Variants in ATP7A observed in about 807,000 individuals in gnomAD.
ATP7A encodes copper-transporting ATPase 1.
A neutral mutation model predicts 83.5 loss-of-function variants in ATP7A; 7 were observed. That is an observed-to-expected ratio of 0.08 (90% CI 0.05 to 0.16). The LOEUF (loss-of-function observed/expected upper bound fraction) is 0.16. ATP7A is among the 10% of genes least tolerant of loss of function. ATP7A has a pLI of 1.00. For synonymous variants in ATP7A, 354 were observed against 395.2 expected, an observed-to-expected ratio of 0.90 and a Z score of 1.24; for missense variants, 940 against 1,120.8, an observed-to-expected ratio of 0.84 and a Z score of 2.30.
chrX:77,955,020 A>T, intron 1 of ATP7A, among the ~76,000 whole-genome samples: 1 of 111,117 alleles, frequency 9.0e-6, no homozygotes, highest in East Asian at 2.8e-4. Context: ...AGGTAGTCCT[A>T]TGACATACCT....
At chrX:77,923,184 T>A (rs1359868126) in intron 1 of ATP7A, 1 of 112,300 alleles carries the variant, frequency 8.9e-6, no homozygotes, top group Admixed American at 9.5e-5. Context: ...ATGAAAGACT[T>A]ATTGGTAAAC....
chrX:77,945,066 G>T (rs1363981438), intron 1 of ATP7A, among the ~76,000 whole-genome samples: 1 of 111,154 alleles, frequency 9.0e-6, no homozygotes, highest in East Asian at 2.8e-4. Context: ...GGCCAGGCTG[G>T]TCTTGAATTC....
Position 78,046,856 on chromosome X carries a change from C to A in ATP7A, c.*286C>A. The A allele has an allele frequency of 4.1e-6, 1 of 241,417 alleles. No individual in the cohort carries two copies. Among genetic ancestry groups the A allele is most frequent in the Non-Finnish European group, 7.2e-6 (1 of 139,262 alleles). 19.9% of individuals were successfully genotyped at this position (241,417 alleles called of 1,213,427 possible). On this transcript the variant is annotated 3_prime_UTR_variant, in exon 23 of 23. Transcript: ENST00000341514. ...AGCCCTACAATTAGAGATTGCTGAA[C>A]TGCTGCTAAAGTGATTTTTTTTTTA... is the stretch of plus-strand genomic sequence containing the variant.
chrX:78,020,869 T>A, intron 13 of ATP7A, 76 bp from the exon 14 acceptor site: 1 of 1,048,267 alleles, frequency 9.5e-7, no homozygotes, highest in Non-Finnish European at 1.3e-6. Flanking sequence ...AACTACTAAA[T>A]ATACTCTGCA....
In ATP7A at chrX:78,031,552, A is replaced by T; in HGVS notation, c.3264A>T (p.Leu1088=). ...CTGAAAGTAACAGTGAACACCCTCT[A>T]GGAACAGCCATAACCAAATATTGCA... ...GTAESNSEHP[L]GTAITKYCKQ... The change falls in exon 16 of 23, where the codon CTA becomes CTT. Residue 1088 remains leucine (L), a synonymous_variant. Coordinates refer to ENST00000341514, the MANE Select transcript of ATP7A (RefSeq NM_000052.7). The T allele has an allele frequency of 8.3e-7, 1 of 1,211,312 alleles. No homozygotes were observed. The highest frequency in any genetic ancestry group is 1.1e-6 in the Non-Finnish European group (1 of 895,009).
intron 13 of ATP7A, 96 bp downstream of exon 13, chrX:78,020,494 T>C: frequency 9.7e-7 from 1 of 1,031,386 alleles, no homozygotes; most frequent in Non-Finnish European, 1.3e-6. Context: ...ATAAAAATTT[T>C]AGTTGCATTA....
At chrX:78,009,393 C>G in intron 7 of ATP7A, 130 bp downstream of exon 7, 1 of 795,961 alleles carries the variant, frequency 1.3e-6, no homozygotes, top group Non-Finnish European at 1.9e-6. Context: ...CAAACAAGAT[C>G]TGTCTCAAAA....
chrX:78,040,337 C>G (rs1237111716), intron 18 of ATP7A, among the ~76,000 whole-genome samples: 10 of 110,666 alleles, frequency 9.0e-5, no homozygotes, highest in African/African-American at 3.0e-4. Flanking sequence ...CCAGTAAGGT[C>G]TCTCTTTTTA....
intron 1 of ATP7A, among the ~76,000 whole-genome samples, chrX:77,920,433 G>C (rs1280467558): frequency 1.8e-5 from 2 of 109,623 alleles, no homozygotes. Flanking sequence ...TAGCCAGGAT[G>C]GTCTTGATCT....
intron 1 of ATP7A, among the ~76,000 whole-genome samples, chrX:77,960,475 C>T (rs1426500772): frequency 1.8e-5 from 2 of 112,407 alleles, no homozygotes; most frequent in African/African-American, 6.5e-5. Context: ...AATACAGGAG[C>T]CTTTCCCAAA....
intron 1 of ATP7A, among the ~76,000 whole-genome samples, chrX:77,970,376 A>G (rs1009079114): frequency 1.8e-5 from 2 of 112,193 alleles, no homozygotes; most frequent in Non-Finnish European, 3.8e-5. Flanking sequence ...TATTCATTAG[A>G]AACAAGTCAT....
At chrX:77,983,721 G>A (rs1400360570) in intron 2 of ATP7A, among the ~76,000 whole-genome samples, 4 of 109,343 alleles carry the variant, frequency 3.7e-5, no homozygotes, top group South Asian at 3.9e-4. Context: ...TTTTTTCCGA[G>A]ACGGAGTTTC....
At chrX:78,017,870 G>A (rs1296845257) in intron 12 of ATP7A, among the ~76,000 whole-genome samples, 3 of 96,805 alleles carry the variant, frequency 3.1e-5, no homozygotes, top group Admixed American at 1.2e-4. Flanking sequence ...TCTGCCTCCC[G>A]GTTCACCCCA....
chrX:77,923,558 T>C (rs2077225930), intron 1 of ATP7A: 1 of 109,950 alleles, frequency 9.1e-6, no homozygotes, highest in African/African-American at 3.4e-5. Flanking sequence ...TGTTTACCTT[T>C]TTCTTTTTTT....
intron 14 of ATP7A, 149 bp from the exon 15 acceptor site, chrX:78,029,101 C>T (rs2077965566): frequency 7.1e-6 from 4 of 564,623 alleles, no homozygotes; most frequent in Admixed American, 6.4e-5. Flanking sequence ...AAAGTGTTTT[C>T]TTACCTGTAA....
At chrX:77,929,636 CT>C (rs782018510) in intron 1 of ATP7A, among the ~76,000 whole-genome samples, 212 of 96,316 alleles carry the variant, frequency 2.2e-3, no homozygotes, top group Middle Eastern at 5.1e-3. Flanking sequence ...TTTTCTTTTT[CT>C]TTTTTTTTTT....
Position 78,048,741 on chromosome X carries a change from G to C in ATP7A, c.*2171G>C, listed in dbSNP as rs2078095964. The C allele has an allele frequency of 9.0e-6, 1 of 111,195 alleles. No homozygotes were observed. The highest frequency in any genetic ancestry group is 9.7e-5 in the Admixed American group (1 of 10,336). 9.2% of individuals were successfully genotyped at this position (111,195 alleles called of 1,213,427 possible). A position where few individuals can be genotyped will look rare whatever the true frequency, so the allele number is the denominator to read the frequency against. ...ATGCCATCCTCCATGCTTTCAGTTT[G>C]AGTTTTATTATTTATTATTTTAATT... On this transcript the variant is annotated 3_prime_UTR_variant, in exon 23 of 23. Transcript: ENST00000341514.
At chrX:78,043,760 C>T (rs1440718464) in intron 21 of ATP7A, among the ~76,000 whole-genome samples, 1 of 103,375 alleles carries the variant, frequency 9.7e-6, no homozygotes, top group Non-Finnish European at 2.0e-5. Flanking sequence ...TGGGTTCAAG[C>T]AGTTCTCCTG....
chrX:77,985,162 G>C (rs781907258), intron 2 of ATP7A, among the ~76,000 whole-genome samples: 2 of 110,561 alleles, frequency 1.8e-5, no homozygotes, highest in African/African-American at 6.6e-5. Flanking sequence ...GGGACTACAG[G>C]AGTGTGTCAC....
Sources: gnomAD v4.1 joint callset for allele counts (sites outside exome capture counted in the v4.1 genomes callset) on GRCh38, gnomAD v4.1.1 for gene constraint, MANE v1.5 for transcripts, NCBI Gene and HGNC (gene_info 2026-07-23, HGNC 2026-07-21) for gene names.